The following USP43 variants were observed in gnomAD, a reference collection of about 807,000 sequenced individuals.
USP43 encodes ubiquitin specific peptidase 43, also known as ubiquitin carboxyl-terminal hydrolase 43.
Under a neutral mutation model 90.7 loss-of-function variants are expected in USP43, and 33 were observed. The observed-to-expected ratio is 0.36, with a 90% CI of 0.28 to 0.49. USP43 has a LOEUF of 0.49. Ranked by LOEUF, USP43 falls within the 20% of genes least tolerant of loss-of-function variation. The probability of loss-of-function intolerance (pLI) is 0.98; values close to 1 mark genes in which losing one functional copy is unlikely to be tolerated. For synonymous variants in USP43, 598 were observed against 615.8 expected (o/e 0.97, Z 0.43); for missense variants, 1,274 against 1,476.4 (o/e 0.86, Z 2.25).
intron 14 of USP43, among the ~76,000 whole-genome samples, chr17:9,714,778 G>A (rs1048028353): frequency 1.2e-4 from 19 of 152,156 alleles, no homozygotes; most frequent in South Asian, 2.1e-4. Context: ...AGAAAAGAAC[G>A]GAGAAGGAGC....
chr17:9,718,210 A>T (rs549403567), intron 14 of USP43, among the ~76,000 whole-genome samples: 2 of 152,158 alleles, frequency 1.3e-5, no homozygotes, highest in Non-Finnish European at 2.9e-5. Context: ...TATTTATATC[A>T]ATTAGTCTAC....
intron 14 of USP43, among the ~76,000 whole-genome samples, chr17:9,718,341 T>A (rs1460867478): frequency 6.6e-6 from 1 of 152,150 alleles, no homozygotes; most frequent in Non-Finnish European, 1.5e-5. Context: ...TGGTTACATA[T>A]TTGTGAGTGA....
rs111845383 is a variant in USP43 at position 9,680,388 on chromosome 17, A to G, written c.1105+22A>G. 9.2e-4 allele frequency: 1,481 copies of G among 1,612,618 alleles called. 10 individuals carry two copies. The African/African-American group carries it at 0.017, about 18-fold the overall frequency. ...TCAGGTATAACAGGTGCTTTGCACAATTTTATTTGGCTATGATGAGTTACA... is the reference window on the plus strand; with the variant it reads ...TCAGGTATAACAGGTGCTTTGCACAGTTTTATTTGGCTATGATGAGTTACA... On this transcript the variant is annotated intron_variant, in intron 6 of 14. Transcript: ENST00000285199.
chr17:9,674,869 C>T lies in USP43; in HGVS notation c.741-22C>T. The T allele has an allele frequency of 6.2e-7, 1 of 1,603,310 alleles. No homozygotes were observed. Among genetic ancestry groups the T allele is most frequent in the African/African-American group, 1.3e-5 (1 of 74,790 alleles). Reference sequence around the variant, plus strand: ...TTGTTTACGTGTGATTAAACGTTCGCCTCTGTTCTTCACCCTCACAGATCT... The same window carrying T: ...TTGTTTACGTGTGATTAAACGTTCGTCTCTGTTCTTCACCCTCACAGATCT... On this transcript the variant is annotated intron_variant, in intron 3 of 14. Transcript: ENST00000285199. This position sits in a 1 kb window ranked among gnomAD's most constrained non-coding sequence, Gnocchi z 4.4.
rs761570268 is a variant in USP43, at chr17:9,656,370, A to G, written c.505-33A>G. 20 of 1,600,646 alleles carry G rather than the reference A, an allele frequency of 1.2e-5. No individual in the cohort carries two copies. In the South Asian group the frequency reaches 2.1e-4, roughly 17 times the overall value. Reference sequence around the variant, plus strand: ...CTTCATTTGGTTGTATAAGGGGCCAAATTCACCTCTCGATTTCCTTTTTTC... The same window carrying G: ...CTTCATTTGGTTGTATAAGGGGCCAGATTCACCTCTCGATTTCCTTTTTTC... On this transcript the variant is annotated intron_variant, in intron 1 of 14. Transcript: ENST00000285199.
At chr17:9,714,332 T>A (rs1433401058) in intron 14 of USP43, among the ~76,000 whole-genome samples, 10 of 152,024 alleles carry the variant, frequency 6.6e-5, no homozygotes. Flanking sequence ...TTGAGAGTCA[T>A]CAGCACATGG....
chr17:9,727,672 G>A (rs918499719), intron 14 of USP43, among the ~76,000 whole-genome samples: 3 of 152,158 alleles, frequency 2.0e-5, no homozygotes, highest in African/African-American at 7.2e-5. Flanking sequence ...CTAGATGCCC[G>A]TGAGACTGAG....
At chr17:9,659,089 A>T (rs1912460642) in intron 2 of USP43, among the ~76,000 whole-genome samples, 1 of 152,190 alleles carries the variant, frequency 6.6e-6, no homozygotes, top group Non-Finnish European at 1.5e-5. Context: ...TAGAAATGGA[A>T]CAGTTTGCTT....
chr17:9,711,832 C>T (rs1916212892), intron 13 of USP43, 136 bp from the exon 14 acceptor site: 6 of 997,002 alleles, frequency 6.0e-6, no homozygotes, highest in Non-Finnish European at 6.8e-6. Context: ...TGACAGGTTT[C>T]TGCAGTTCTG....
chr17:9,713,147 G>A (rs1916304804), intron 14 of USP43, among the ~76,000 whole-genome samples: 1 of 152,026 alleles, frequency 6.6e-6, no homozygotes. Context: ...GGAGTCCAGT[G>A]GCATGATCTC....
intron 6 of USP43, among the ~76,000 whole-genome samples, chr17:9,680,703 G>A (rs1004731366): frequency 1.3e-5 from 2 of 152,028 alleles, no homozygotes; most frequent in African/African-American, 4.8e-5. Flanking sequence ...TGCCGATGCT[G>A]CTGGTCCAGG....
chr17:9,676,176 C>CTAA (rs1308641428), intron 4 of USP43, among the ~76,000 whole-genome samples: 1 of 152,144 alleles, frequency 6.6e-6, no homozygotes, highest in East Asian at 1.9e-4. Context: ...TTAAGCTTAT[C>CTAA]TATTTAACAA....
intron 8 of USP43, among the ~76,000 whole-genome samples, chr17:9,687,959 GC>G (rs1195963348): frequency 6.6e-6 from 1 of 152,090 alleles, no homozygotes; most frequent in Non-Finnish European, 1.5e-5. Flanking sequence ...ACTGATTATC[GC>G]AATGGATGAA....
intron 6 of USP43, among the ~76,000 whole-genome samples, chr17:9,680,871 C>G (rs1914119077): frequency 1.3e-5 from 2 of 151,092 alleles, no homozygotes; most frequent in Admixed American, 6.7e-5. Flanking sequence ...AAAATAGTTC[C>G]ACTTCTTAAT....
chr17:9,725,177 A>C (rs1448027577), intron 14 of USP43, among the ~76,000 whole-genome samples: 2 of 151,946 alleles, frequency 1.3e-5, no homozygotes, highest in Non-Finnish European at 2.9e-5. Flanking sequence ...ATCTGCATGG[A>C]GGGGGCTCTT....
At chr17:9,688,208 C>T (rs1055010421) in intron 8 of USP43, among the ~76,000 whole-genome samples, 4 of 151,574 alleles carry the variant, frequency 2.6e-5, no homozygotes, top group African/African-American at 7.3e-5. Context: ...AGGATGGTCT[C>T]GATCTCTTGA....
rs1472760226 is a variant in USP43, at chr17:9,680,337, C to T, written c.1076C>T (p.Pro359Leu). Residue 359 changes from proline (P) to leucine (L), a missense_variant, in exon 6 of 15, where the codon CCT (proline) becomes CTT (leucine). Physicochemically the swap from Pro to Leu is moderately conservative, Grantham distance 98 (BLOSUM62 -3). This residue lies in a region of USP43 where 253 missense variants were observed against 276.0 expected (regional missense o/e 0.92). Transcript: ENST00000285199. ...GATAATGTGTATGCCTTTCAAGTTC[C>T]TCCCTCACCCAGCCAGGGGACTCTC... is the stretch of plus-strand genomic sequence containing the variant. ...EGDNVYAFQV[P>L]PSPSQGTLSA... The T allele has an allele frequency of 1.2e-6, 2 of 1,613,858 alleles. No homozygotes were observed. Among genetic ancestry groups the T allele is most frequent in the African/African-American group, 1.3e-5 (1 of 75,022 alleles).
At chr17:9,711,926 C>G (rs1401159010) in intron 13 of USP43, 42 bp from the exon 14 acceptor site, 8 of 1,538,404 alleles carry the variant, frequency 5.2e-6, no homozygotes, top group Non-Finnish European at 7.0e-6. Flanking sequence ...CTCTGAAGTG[C>G]TGGGGTTGGG....
chr17:9,674,957 C>T lies in USP43; in HGVS notation c.807C>T (p.Ser269=). 2.5e-6 allele frequency: 4 copies of T among 1,614,030 alleles called. No homozygotes were observed. The highest frequency in any genetic ancestry group is 1.6e-4 in the Middle Eastern group (1 of 6,062). The change falls in exon 4 of 15, where the codon TCC becomes TCT. Residue 269 remains serine (S), a synonymous_variant. Transcript: ENST00000285199. The surrounding 1 kb of genome is among the most constrained non-coding windows in gnomAD (Gnocchi z 4.4). ...CCTTTGATCCTTTCCTGTGTGTGTCCCTACCTATCCCCTTGCGCCAGACGA... is the reference window on the plus strand; with the variant it reads ...CCTTTGATCCTTTCCTGTGTGTGTCTCTACCTATCCCCTTGCGCCAGACGA... ...SNTFDPFLCV[S]LPIPLRQTRF...
Sources: gnomAD v4.1 joint callset for allele counts (sites outside exome capture counted in the v4.1 genomes callset) on GRCh38, gnomAD v4.1.1 for gene constraint, gnomAD v4.1.1 regional missense constraint, Gnocchi (gnomAD v3.1) non-coding constraint, MANE v1.5 for transcripts, NCBI Gene and HGNC (gene_info 2026-07-23, HGNC 2026-07-21) for gene names.